Variants in RBFOX1 observed in about 807,000 individuals in gnomAD.
The protein encoded by RBFOX1 is RNA binding fox-1 homolog 1.
RBFOX1 carries 8 observed loss-of-function variants against 57.7 expected under a neutral mutation model. The ratio of observed to expected loss-of-function variants is 0.14; its 90% CI spans 0.08 to 0.25. The LOEUF is 0.25. Ranked by LOEUF, RBFOX1 falls within the 10% of genes least tolerant of loss-of-function variation. The pLI is 1.00. For missense variants in RBFOX1, 611 were observed against 548.5 expected, an observed-to-expected ratio of 1.11 and a Z score of -1.14; for synonymous variants, 326 against 222.4, an observed-to-expected ratio of 1.47 and a Z score of -4.15.
At chr16:5,253,128 T>C (rs943150871) in intron 1 of RBFOX1, among the ~76,000 whole-genome samples, 2 of 152,038 alleles carry the variant, frequency 1.3e-5, no homozygotes, top group African/African-American at 4.8e-5. Flanking sequence ...CTTTAGCAAA[T>C]GCTGTGTCAT....
intron 4 of RBFOX1, among the ~76,000 whole-genome samples, chr16:7,246,850 G>T (rs138576088): frequency 1.3e-5 from 2 of 152,070 alleles, no homozygotes; most frequent in Non-Finnish European, 2.9e-5. Flanking sequence ...AAAGGCTTCA[G>T]AGTCAAAGTT....
chr16:5,255,173 A>G (rs562321353), intron 1 of RBFOX1, among the ~76,000 whole-genome samples: 1 of 152,316 alleles, frequency 6.6e-6, no homozygotes, highest in East Asian at 1.9e-4. Flanking sequence ...ACCATTACCC[A>G]TAATCATGAG....
chr16:6,530,863 A>C (rs1490933380), intron 2 of RBFOX1, among the ~76,000 whole-genome samples: 1 of 152,050 alleles, frequency 6.6e-6, no homozygotes, highest in South Asian at 2.1e-4. Flanking sequence ...AACATGTGGG[A>C]ATTGTAAGAG....
intron 3 of RBFOX1, among the ~76,000 whole-genome samples, chr16:6,937,102 AT>A (rs1170377018): frequency 6.6e-6 from 1 of 152,138 alleles, no homozygotes; most frequent in African/African-American, 2.4e-5. Context: ...TAATAAAAAA[AT>A]AAATAAAAAA....
intron 3 of RBFOX1, among the ~76,000 whole-genome samples, chr16:6,861,062 G>A (rs921006188): frequency 6.6e-6 from 1 of 152,124 alleles, no homozygotes; most frequent in Non-Finnish European, 1.5e-5. Flanking sequence ...CTGCGAGAGT[G>A]ACTGACAAGG....
At chr16:7,284,291 G>A (rs1407724827) in intron 4 of RBFOX1, among the ~76,000 whole-genome samples, 3 of 152,184 alleles carry the variant, frequency 2.0e-5, no homozygotes, top group African/African-American at 7.2e-5. Context: ...TAAATTCCTA[G>A]GAGTGGTGTT....
intron 4 of RBFOX1, among the ~76,000 whole-genome samples, chr16:7,209,156 A>G (rs1385072780): frequency 7.1e-6 from 1 of 140,586 alleles, no homozygotes; most frequent in Non-Finnish European, 1.5e-5. Context: ...AATAATAATA[A>G]TAATAATAAT....
At chr16:6,975,809 A>G (rs139704809) in intron 3 of RBFOX1, among the ~76,000 whole-genome samples, 42 of 152,246 alleles carry the variant, frequency 2.8e-4, no homozygotes, top group African/African-American at 8.7e-4. Flanking sequence ...GAATAAAGAT[A>G]ATGGTAATGG....
rs183757298 is a variant in RBFOX1 at position 6,180,305 on chromosome 16, G to C, written c.-126-136690G>C. Among the ~76,000 whole-genome samples the C allele has an allele frequency of 1.6e-4, 24 of 151,916 alleles. No homozygotes were observed. In the East Asian group the frequency reaches 4.1e-3, roughly 26 times the overall value. On this transcript the variant is annotated intron_variant, in intron 1 of 15. Transcript: ENST00000550418. ...GCCTACTAATTCATTCTCTTTGCTT[G>C]GTATAGGCTTATTCAGATTTTCTAT...
At chr16:7,538,014 G>A (rs1260710650) in intron 5 of RBFOX1, among the ~76,000 whole-genome samples, 1 of 152,204 alleles carries the variant, frequency 6.6e-6, no homozygotes, top group African/African-American at 2.4e-5. Flanking sequence ...AAACAGAGAT[G>A]AGTCAGACAT....
intron 4 of RBFOX1, among the ~76,000 whole-genome samples, chr16:7,394,515 A>G (rs1201495052): frequency 1.3e-5 from 2 of 152,086 alleles, no homozygotes; most frequent in East Asian, 3.9e-4. Context: ...TTAGATGCAT[A>G]GGCAGTGAAA....
chr16:5,514,935 G>A (rs1020131530), intron 2 of RBFOX1, among the ~76,000 whole-genome samples: 7 of 152,176 alleles, frequency 4.6e-5, no homozygotes, highest in South Asian at 2.1e-4. Context: ...GAAGCATGGC[G>A]CCAGTGTCTG....
chr16:6,736,973 C>T (rs2070536814), intron 3 of RBFOX1, among the ~76,000 whole-genome samples: 1 of 152,138 alleles, frequency 6.6e-6, no homozygotes, highest in Non-Finnish European at 1.5e-5. Context: ...AGCCTGTGTG[C>T]CCTGTATTCG....
At chr16:6,654,743 G>T in intron 3 of RBFOX1, 93 bp downstream of exon 3, 1 of 926,398 alleles carries the variant, frequency 1.1e-6, no homozygotes, top group Non-Finnish European at 1.6e-6. Flanking sequence ...TCTCGATGAT[G>T]GTTTTTAGGT....
At chr16:7,186,518 TTATA>T (rs1334581773) in intron 4 of RBFOX1, among the ~76,000 whole-genome samples, 1 of 131,780 alleles carries the variant, frequency 7.6e-6, no homozygotes, top group Non-Finnish European at 1.6e-5. Flanking sequence ...ATAAACATAT[TTATA>T]TAAATATAAG....
intron 1 of RBFOX1, among the ~76,000 whole-genome samples, chr16:5,347,798 C>G (rs80106056): frequency 0.018 from 2,702 of 150,392 alleles, 30 homozygotes; most frequent in Admixed American, 0.031. Flanking sequence ...ATCCGCCCAC[C>G]CTTCCACTTA....
chr16:7,043,484 G>A (rs1338460947), intron 3 of RBFOX1, among the ~76,000 whole-genome samples: 1 of 152,160 alleles, frequency 6.6e-6, no homozygotes, highest in East Asian at 1.9e-4. Context: ...GCTCACCCTA[G>A]GTACTTGGAG....
At chr16:6,960,420 C>A (rs925451517) in intron 3 of RBFOX1, among the ~76,000 whole-genome samples, 4 of 152,256 alleles carry the variant, frequency 2.6e-5, no homozygotes, top group Non-Finnish European at 5.9e-5. Context: ...CAGGCCTTCT[C>A]CCTGTACCCG....
intron 11 of RBFOX1, among the ~76,000 whole-genome samples, chr16:7,633,986 C>T (rs1331990104): frequency 6.6e-6 from 1 of 152,154 alleles, no homozygotes; most frequent in African/African-American, 2.4e-5. Flanking sequence ...GTTATTTTTA[C>T]ATGCAGGCCT....
Sources: allele counts gnomAD v4.1 joint callset (sites outside exome capture counted in the v4.1 genomes callset), GRCh38; gene constraint gnomAD v4.1.1; transcripts MANE v1.5; gene names NCBI Gene and HGNC (gene_info 2026-07-23, HGNC 2026-07-21).